Variants in NME3 observed in about 807,000 individuals in gnomAD.
NME3 encodes nucleoside diphosphate kinase C.
A neutral mutation model predicts 15.8 loss-of-function variants in NME3; 23 were observed. The observed-to-expected ratio is 1.45, with a 90% CI of 1.05 to 2.06. The LOEUF (loss-of-function observed/expected upper bound fraction) is 2.06, where lower values mean the gene tolerates loss of function less well. Ranked by LOEUF, NME3 falls within the 30% of genes most tolerant of loss-of-function variation. The probability of loss-of-function intolerance (pLI) is 0.00; values close to 1 mark genes in which losing one functional copy is unlikely to be tolerated. For synonymous variants in NME3, 157 were observed against 104.4 expected (o/e 1.50, Z -3.07); for missense variants, 354 against 243.2 (o/e 1.46, Z -3.03).
In NME3 at chr16:1,771,004, G is replaced by A. The variant is rs773076182; in HGVS notation, c.280-11C>T. On this transcript the variant is annotated splice_polypyrimidine_tract_variant and intron_variant, in intron 3 of 4. Transcript: ENST00000219302. The stretch of plus-strand genomic sequence containing the variant: ...CAGCCCCTGCCATACCTGTGCGGAG[G>A]AACGGGCGCGGTATCACGCGGGGGT... 5.0e-6 allele frequency: 8 copies of A among 1,592,982 alleles called. No homozygotes were observed. Among genetic ancestry groups the A allele is most frequent in the Admixed American group, 3.4e-5 (2 of 58,940 alleles).
At chr16:1,771,444 G>A (rs1242264926) in intron 1 of NME3, 34 bp from the exon 2 acceptor site, 15 of 1,405,734 alleles carry the variant, frequency 1.1e-5, no homozygotes, top group Non-Finnish European at 1.4e-5. Flanking sequence ...CGTCAGGCCG[G>A]CCCAGCACCG....
In NME3 at chr16:1,771,288, G is replaced by C. The variant is rs767592231; in HGVS notation, c.169C>G (p.Leu57Val). Residue 57 changes from leucine to valine, a missense_variant, in exon 2 of 5, where the codon CTG (leucine) becomes GTG (valine). Transcript: ENST00000219302. ...GCTCACCGCGCCCCCACCTGCACCA[G>C]CTTCAGCGCCACCAACTTGAAGCCC... ...RKGFKLVALKLVQASEELLRE... is the reference protein window; with the variant it reads ...RKGFKLVALKVVQASEELLRE... 1 of 1,603,960 alleles carries C rather than the reference G, an allele frequency of 6.2e-7. No individual in the cohort carries two copies. The highest frequency in any genetic ancestry group is 1.1e-5 in the South Asian group (1 of 90,244).
At position 1,770,496 on chromosome 16, in the gene NME3, G is replaced by T. The variant is rs1439881244; in HGVS notation, c.*153C>A. 3.3e-6 allele frequency: 2 copies of T among 606,182 alleles called. No homozygotes were observed. Among genetic ancestry groups the T allele is most frequent in the Non-Finnish European group, 5.6e-6 (2 of 359,984 alleles). The allele number at this position is 606,182 out of a possible 1,614,324, so 37.6% of individuals were successfully genotyped here. On this transcript the variant is annotated 3_prime_UTR_variant, in exon 5 of 5. Coordinates refer to ENST00000219302, the MANE Select transcript of NME3 (RefSeq NM_002513.3). Reference sequence around the variant, plus strand: ...TGTACGCCAGGGATTGGAGAGGCCTGCGCCACCCTCCATGCAACGTCCAGA... The same window carrying T: ...TGTACGCCAGGGATTGGAGAGGCCTTCGCCACCCTCCATGCAACGTCCAGA...
chr16:1,770,852 G>C lies in NME3; in HGVS notation c.392+29C>G. The C allele has an allele frequency of 2.6e-6, 4 of 1,568,406 alleles. 1 individual carries two copies. In the South Asian group the frequency reaches 4.7e-5, roughly 18 times the overall value. On this transcript the variant is annotated intron_variant, in intron 4 of 4. Coordinates refer to ENST00000219302, the MANE Select transcript of NME3 (RefSeq NM_002513.3). ...GCTGAACAGGGGGAGGCCGGACGGG[G>C]CTGGGACCGTCCCCGGGGCGGGCCT...
chr16:1,771,274 C>A lies in NME3; in HGVS notation c.177+6G>T, dbSNP rs769187878. On this transcript the variant is annotated splice_donor_region_variant and intron_variant, in intron 2 of 4. Transcript: ENST00000219302. Reference sequence around the variant, plus strand: ...CCGCGCCCCCGCTCGCTCACCGCGCCCCCACCTGCACCAGCTTCAGCGCCA... The same window carrying A: ...CCGCGCCCCCGCTCGCTCACCGCGCACCCACCTGCACCAGCTTCAGCGCCA... 1 of 1,600,176 alleles carries A rather than the reference C, an allele frequency of 6.2e-7. No individual in the cohort carries two copies.
At position 1,771,277 on chromosome 16, in the gene NME3, C is replaced by T. The variant is rs1214228161; in HGVS notation, c.177+3G>A. On this transcript the variant is annotated splice_donor_region_variant and intron_variant, in intron 2 of 4. Coordinates refer to ENST00000219302, the MANE Select transcript of NME3 (RefSeq NM_002513.3). ...CGCCCCCGCTCGCTCACCGCGCCCC[C>T]ACCTGCACCAGCTTCAGCGCCACCA... is the stretch of plus-strand genomic sequence containing the variant. The T allele has an allele frequency of 3.7e-6, 6 of 1,601,168 alleles. No homozygotes were observed. Among genetic ancestry groups the T allele is most frequent in the African/African-American group, 1.3e-5 (1 of 74,628 alleles).
rs769187878 is a variant in NME3 at position 1,771,274 on chromosome 16, C to G, written c.177+6G>C. 55 of 1,600,176 alleles carry G rather than the reference C, an allele frequency of 3.4e-5. No individual in the cohort carries two copies. The East Asian group carries it at 1.2e-3, about 36-fold the overall frequency. On this transcript the variant is annotated splice_donor_region_variant and intron_variant, in intron 2 of 4. Transcript: ENST00000219302. ...CCGCGCCCCCGCTCGCTCACCGCGC[C>G]CCCACCTGCACCAGCTTCAGCGCCA...
intron 3 of NME3, 26 bp downstream of exon 3, chr16:1,771,044 C>T: frequency 1.3e-6 from 2 of 1,596,868 alleles, no homozygotes; most frequent in Non-Finnish European, 1.7e-6. Context: ...GTCCCGGAGC[C>T]GCCCGCCCGC....
Position 1,771,217 on chromosome 16 carries a change from G to GC in NME3, c.178-47_178-46insG. 4 of 1,566,590 alleles carry GC rather than the reference G, an allele frequency of 2.6e-6. No individual in the cohort carries two copies. The South Asian group carries it at 4.6e-5, about 18-fold the overall frequency. On this transcript the variant is annotated intron_variant, in intron 2 of 4. Transcript: ENST00000219302. Reference sequence around the variant, plus strand: ...CTGCGCCCGCACCCGGCACCTAGGCGTCCCCAGGTCCCCGCTCCCCTTCCC... The same window carrying GC: ...CTGCGCCCGCACCCGGCACCTAGGCGCTCCCCAGGTCCCCGCTCCCCTTCCC...
In NME3 at chr16:1,770,768, T is replaced by C. The variant is rs1477525952; in HGVS notation, c.393-2A>G. Reference sequence around the variant, plus strand: ...GAGTCGCTGCCGTGAATCAGGTTCCTGCGCGGAAGAGGCGCGTGTGAGCGT... The same window carrying C: ...GAGTCGCTGCCGTGAATCAGGTTCCCGCGCGGAAGAGGCGCGTGTGAGCGT... On this transcript the variant is annotated splice_acceptor_variant, in intron 4 of 4. Coordinates refer to ENST00000219302, the MANE Select transcript of NME3 (RefSeq NM_002513.3). LOFTEE classifies it high-confidence loss of function. 12 of 1,602,294 alleles carry C rather than the reference T, an allele frequency of 7.5e-6. No individual in the cohort carries two copies. Among genetic ancestry groups the C allele is most frequent in the Non-Finnish European group, 1.0e-5 (12 of 1,174,814 alleles).
rs531080765 is a variant in NME3, at chr16:1,771,245, C to A, written c.177+35G>T. 14 of 1,580,366 alleles carry A rather than the reference C, an allele frequency of 8.9e-6. No homozygotes were observed. In the East Asian group the frequency reaches 1.4e-4, roughly 16 times the overall value. ...CCCAGGTCCCCGCTCCCCTTCCCCC[C>A]ACACCGCGCCCCCGCTCGCTCACCG... is the stretch of plus-strand genomic sequence containing the variant. On this transcript the variant is annotated intron_variant, in intron 2 of 4. Coordinates refer to ENST00000219302, the MANE Select transcript of NME3 (RefSeq NM_002513.3).
intron 2 of NME3, 49 bp from the exon 3 acceptor site, chr16:1,771,220 C>T (rs770153688): frequency 2.5e-6 from 4 of 1,568,934 alleles, no homozygotes; most frequent in Non-Finnish European, 8.6e-7. Context: ...CCTAGGCGTC[C>T]CCAGGTCCCC....
Position 1,770,608 on chromosome 16 carries a change from A to T in NME3, c.*41T>A. 6.7e-7 allele frequency: 1 copy of T among 1,489,600 alleles called. No homozygotes were observed. The highest frequency in any genetic ancestry group is 9.1e-7 in the Non-Finnish European group (1 of 1,098,280). The allele number at this position is 1,489,600 out of a possible 1,614,324, so 92.3% of individuals were successfully genotyped here. A position where few individuals can be genotyped will look rare whatever the true frequency, so the allele number is the denominator to read the frequency against. ...AGCCCGCCCACCTGGGCCCTGGAGG[A>T]GGCTGGAGTGTGAGAGCCTCTGTGA... On this transcript the variant is annotated 3_prime_UTR_variant, in exon 5 of 5. Transcript: ENST00000219302.
rs961990084 is a variant in NME3, at chr16:1,771,495, G to A, written c.40C>T (p.Pro14Ser). 11 of 1,315,298 alleles carry A rather than the reference G, an allele frequency of 8.4e-6. No homozygotes were observed. In the South Asian group the frequency reaches 1.7e-4, roughly 21 times the overall value. The allele number at this position is 1,315,298 out of a possible 1,614,324, so 81.5% of individuals were successfully genotyped here. A position where few individuals can be genotyped will look rare whatever the true frequency, so the allele number is the denominator to read the frequency against. The change falls in exon 1 of 5, where the codon CCC becomes TCC. Residue 14 changes from proline to serine, a missense_variant. Coordinates refer to ENST00000219302, the MANE Select transcript of NME3 (RefSeq NM_002513.3). ...CCCGCGCCGCGCGGCTCACCCGCGGGGAAGAGGTTAGCGAAGATGGTCAGC... is the reference window on the plus strand; with the variant it reads ...CCCGCGCCGCGCGGCTCACCCGCGGAGAAGAGGTTAGCGAAGATGGTCAGC... Reference protein sequence around the residue: ...LVLTIFANLFPAACTGAHERT... With the variant: ...LVLTIFANLFSAACTGAHERT...
rs1328488892 is a variant in NME3, at chr16:1,771,111, G to A, written c.238C>T (p.Arg80Cys). The A allele has an allele frequency of 3.7e-6, 6 of 1,610,044 alleles. No individual in the cohort carries two copies. Among genetic ancestry groups the A allele is most frequent in the Non-Finnish European group, 4.2e-6 (5 of 1,179,198 alleles). The part of the protein sequence containing the change: ...AELRERPFYG[R>C]LVKYMASGPV... ...CCGGAGGCCATATACTTGACAAGGC[G>A]GCCGTAGAACGGGCGTTCACGCAGC... is the stretch of plus-strand genomic sequence containing the variant. The change falls in exon 3 of 5, where the codon CGC becomes TGC. Residue 80 changes from arginine (R) to cysteine (C), a missense_variant. Coordinates refer to ENST00000219302, the MANE Select transcript of NME3 (RefSeq NM_002513.3).
In NME3 at chr16:1,771,351, G is replaced by A. The variant is rs1336435090; in HGVS notation, c.106C>T (p.Arg36Trp). The A allele has an allele frequency of 1.9e-6, 3 of 1,589,044 alleles. No individual in the cohort carries two copies. The highest frequency in any genetic ancestry group is 2.6e-6 in the Non-Finnish European group (3 of 1,169,326). Residue 36 changes from arginine (R) to tryptophan (W), a missense_variant, in exon 2 of 5, where the codon CGG (arginine) becomes TGG (tryptophan). By Grantham distance (101) the Arg-to-Trp change is moderately radical (BLOSUM62 -3). Coordinates refer to ENST00000219302, the MANE Select transcript of NME3 (RefSeq NM_002513.3). ...LAVKPDGVQR[R>W]LVGEIVRRFE... is the part of the protein sequence containing the mutation. The stretch of plus-strand genomic sequence containing the variant: ...CGCCGCACAATCTCGCCCACCAGCC[G>A]CCGCTGCACGCCGTCCGGCTTCACG...
chr16:1,770,782 G>A lies in NME3; in HGVS notation c.393-16C>T. On this transcript the variant is annotated splice_polypyrimidine_tract_variant and intron_variant, in intron 4 of 4. Coordinates refer to ENST00000219302, the MANE Select transcript of NME3 (RefSeq NM_002513.3). ...AATCAGGTTCCTGCGCGGAAGAGGC[G>A]CGTGTGAGCGTGGGAAAGAGACCTC... is the stretch of plus-strand genomic sequence containing the variant. 4 of 1,596,284 alleles carry A rather than the reference G, an allele frequency of 2.5e-6. No individual in the cohort carries two copies. The highest frequency in any genetic ancestry group is 3.4e-6 in the Non-Finnish European group (4 of 1,170,808).
intron 4 of NME3, 26 bp from the exon 5 acceptor site, chr16:1,770,792 G>A (rs373159669): frequency 4.0e-5 from 64 of 1,593,322 alleles, no homozygotes; most frequent in South Asian, 1.1e-4. Flanking sequence ...GCGTGTGAGC[G>A]TGGGAAAGAG....
chr16:1,770,864 C>T lies in NME3; in HGVS notation c.392+17G>A, dbSNP rs2042577049. On this transcript the variant is annotated intron_variant, in intron 4 of 4. Coordinates refer to ENST00000219302, the MANE Select transcript of NME3 (RefSeq NM_002513.3). ...GAGGCCGGACGGGGCTGGGACCGTCCCCGGGGCGGGCCTTACTTGCCAACC... is the reference window on the plus strand; with the variant it reads ...GAGGCCGGACGGGGCTGGGACCGTCTCCGGGGCGGGCCTTACTTGCCAACC... 1.3e-6 allele frequency: 2 copies of T among 1,566,740 alleles called. No homozygotes were observed. The highest frequency in any genetic ancestry group is 2.7e-5 in the African/African-American group (2 of 74,024).
Sources: allele counts gnomAD v4.1 joint callset, GRCh38; gene constraint gnomAD v4.1.1; transcripts MANE v1.5; gene names NCBI Gene and HGNC (gene_info 2026-07-23, HGNC 2026-07-21).